ATG7: variants seen among roughly 807,000 people sequenced by gnomAD.
The protein encoded by ATG7 is autophagy related 7.
ATG7 carries 70 observed loss-of-function variants against 82.4 expected under a neutral mutation model. That is an observed-to-expected ratio of 0.85 (90% CI 0.70 to 1.04). The LOEUF is 1.04. Ranked by LOEUF, ATG7 falls within the 50% of genes least tolerant of loss-of-function variation. ATG7 has a pLI of 0.00. For synonymous variants in ATG7, 287 were observed against 313.0 expected (o/e 0.92, Z 0.88); for missense variants, 792 against 864.3 (o/e 0.92, Z 1.05).
At chr3:11,326,743 A>T (rs1287657052) in intron 9 of ATG7, among the ~76,000 whole-genome samples, 1 of 152,240 alleles carries the variant, frequency 6.6e-6, no homozygotes, top group East Asian at 1.9e-4. Flanking sequence ...GAAGAGTAGC[A>T]GGTGGGGTGG....
intron 2 of ATG7, among the ~76,000 whole-genome samples, chr3:11,281,687 T>C (rs1943065674): frequency 6.6e-6 from 1 of 151,018 alleles, no homozygotes; most frequent in South Asian, 2.1e-4. Flanking sequence ...GGCAGGAGAA[T>C]TGCTTGAACG....
chr3:11,297,123 C>G (rs905314282), intron 3 of ATG7, among the ~76,000 whole-genome samples: 2 of 152,038 alleles, frequency 1.3e-5, no homozygotes, highest in Non-Finnish European at 2.9e-5. Context: ...TTTGGGAGAC[C>G]AGGGTGGAAG....
chr3:11,338,324 T>C (rs1319547445), intron 11 of ATG7, among the ~76,000 whole-genome samples: 1 of 152,240 alleles, frequency 6.6e-6, no homozygotes. Context: ...TTTCATGGTG[T>C]GTGTGTACCA....
At chr3:11,500,645 G>A (rs1310928196) in intron 20 of ATG7, among the ~76,000 whole-genome samples, 1 of 152,048 alleles carries the variant, frequency 6.6e-6, no homozygotes, top group Non-Finnish European at 1.5e-5. Flanking sequence ...TCAACTTAAG[G>A]TTTTTTTGTT....
At chr3:11,568,243 C>T in the ATG7 span, among the ~76,000 whole-genome samples, 1 of 152,200 alleles carries the variant, frequency 6.6e-6, no homozygotes. This position sits in a 1 kb window ranked among gnomAD's most constrained non-coding sequence, Gnocchi z 5.9. Context: ...ACCCCTCGCA[C>T]CTTATGTCCT....
At chr3:11,305,694 C>T (rs1218956872) in intron 5 of ATG7, among the ~76,000 whole-genome samples, 1 of 152,178 alleles carries the variant, frequency 6.6e-6, no homozygotes, top group Non-Finnish European at 1.5e-5. Flanking sequence ...TTTGCTGACT[C>T]ATACCTCCCA....
At chr3:11,480,776 G>A (rs553189173) in intron 20 of ATG7, among the ~76,000 whole-genome samples, 1 of 152,302 alleles carries the variant, frequency 6.6e-6, no homozygotes, top group Admixed American at 6.5e-5. Flanking sequence ...AATCTGTCAA[G>A]GAAGGCTTTC....
intron 6 of ATG7, chr3:11,308,673 A>G (rs1948154200): frequency 2.4e-6 from 1 of 411,622 alleles, no homozygotes; most frequent in East Asian, 4.9e-5. Flanking sequence ...ATAGTAGACA[A>G]TAAGTAAATA....
intron 1 of ATG7, among the ~76,000 whole-genome samples, chr3:11,276,036 GACACTATTACACTAGTGT>G (rs1330424442): frequency 3.9e-5 from 6 of 152,144 alleles, no homozygotes; most frequent in African/African-American, 1.4e-4. Context: ...TTGTGCTTTT[GACACTATTACACTAGTGT>G]GCCACCAAAT....
At chr3:11,362,996 C>T in intron 17 of ATG7, 68 bp downstream of exon 17, 1 of 1,350,948 alleles carries the variant, frequency 7.4e-7, no homozygotes, top group Non-Finnish European at 1.0e-6. Context: ...TCAGTGTCTC[C>T]CATGGCCTTT....
At chr3:11,355,929 A>T (rs1425131936) in intron 14 of ATG7, among the ~76,000 whole-genome samples, 1 of 152,222 alleles carries the variant, frequency 6.6e-6, no homozygotes, top group African/African-American at 2.4e-5. Context: ...AAACAGCCCA[A>T]ATCACCATCA....
intron 19 of ATG7, among the ~76,000 whole-genome samples, chr3:11,412,949 A>C (rs2081047888): frequency 6.6e-6 from 1 of 151,866 alleles, no homozygotes; most frequent in Non-Finnish European, 1.5e-5. Flanking sequence ...ATTCTTTTTG[A>C]TGCTATTGTA....
chr3:11,535,061 C>T (rs1559810721), intron 20 of ATG7, among the ~76,000 whole-genome samples: 1 of 152,266 alleles, frequency 6.6e-6, no homozygotes, highest in Non-Finnish European at 1.5e-5. Flanking sequence ...TGCGGGTCAC[C>T]TCCTCAGGAA....
intron 9 of ATG7, among the ~76,000 whole-genome samples, chr3:11,329,660 T>C (rs552227664): frequency 6.6e-6 from 1 of 152,334 alleles, no homozygotes; most frequent in African/African-American, 2.4e-5. Flanking sequence ...CTTTTTATTT[T>C]GGGATAATTT....
intron 20 of ATG7, among the ~76,000 whole-genome samples, chr3:11,518,132 G>A (rs951895042): frequency 1.3e-5 from 2 of 152,144 alleles, no homozygotes; most frequent in Admixed American, 6.6e-5. Context: ...GGTTGAGGGC[G>A]GGGCAATCAG....
chr3:11,369,595 C>T (rs533411525), intron 18 of ATG7, among the ~76,000 whole-genome samples: 38 of 151,218 alleles, frequency 2.5e-4, no homozygotes, highest in Non-Finnish European at 5.2e-4. Flanking sequence ...GAGTCTGGTT[C>T]CAGTGGGGAG....
chr3:11,353,821 A>G (rs773213553), intron 14 of ATG7, among the ~76,000 whole-genome samples: 12 of 152,234 alleles, frequency 7.9e-5, no homozygotes, highest in Non-Finnish European at 4.4e-5. Flanking sequence ...CTGGAGAACC[A>G]TAAGCCAAAT....
chr3:11,329,103 C>T (rs768459030), intron 9 of ATG7, among the ~76,000 whole-genome samples: 3 of 152,062 alleles, frequency 2.0e-5, no homozygotes, highest in Non-Finnish European at 4.4e-5. Flanking sequence ...GACTCTGTCT[C>T]AAAACAACAA....
intron 3 of ATG7, among the ~76,000 whole-genome samples, chr3:11,287,756 G>A (rs1443155421): frequency 1.3e-5 from 2 of 152,264 alleles, no homozygotes; most frequent in Non-Finnish European, 2.9e-5. Context: ...CCTATTGCAG[G>A]CCAGCAGATG....
Sources: gnomAD v4.1 joint callset for allele counts (sites outside exome capture counted in the v4.1 genomes callset) on GRCh38, gnomAD v4.1.1 for gene constraint, Gnocchi (gnomAD v3.1) non-coding constraint, MANE v1.5 for transcripts, NCBI Gene and HGNC (gene_info 2026-07-23, HGNC 2026-07-21) for gene names.